AGMO: variants seen among roughly 807,000 people sequenced by gnomAD.
AGMO encodes alkylglycerol monooxygenase, also known as glyceryl-ether monooxygenase.
Under a neutral mutation model 60.2 loss-of-function variants are expected in AGMO, and 75 were observed. The observed-to-expected ratio is 1.25, with a 90% CI of 1.03 to 1.51. The LOEUF is 1.51. AGMO is among the 40% of genes most tolerant of loss of function. The pLI, the probability that AGMO is intolerant of heterozygous loss-of-function variation, is 0.00. For missense variants in AGMO, 763 were observed against 525.5 expected (o/e 1.45, Z -4.42); for synonymous variants, 261 against 177.1 (o/e 1.47, Z -3.76).
intron 12 of AGMO, among the ~76,000 whole-genome samples, chr7:15,299,408 G>C (rs755006022): frequency 1.3e-5 from 2 of 152,088 alleles, no homozygotes; most frequent in Non-Finnish European, 2.9e-5. Flanking sequence ...AACACCTTGA[G>C]AGAAAATATG....
At chr7:15,551,818 A>G (rs1402783446) in intron 2 of AGMO, among the ~76,000 whole-genome samples, 2 of 152,078 alleles carry the variant, frequency 1.3e-5, no homozygotes, top group Non-Finnish European at 2.9e-5. Flanking sequence ...GAAAAAAACT[A>G]CTTTAAAGTT....
intron 3 of AGMO, among the ~76,000 whole-genome samples, chr7:15,529,342 G>C (rs1428110769): frequency 6.7e-6 from 1 of 150,216 alleles, no homozygotes; most frequent in Non-Finnish European, 1.5e-5. Flanking sequence ...AAAAGAACTG[G>C]CATGTTGCTT....
chr7:15,390,807 T>G, intron 7 of AGMO, 33 bp downstream of exon 7: 1 of 1,586,088 alleles, frequency 6.3e-7, no homozygotes, highest in East Asian at 2.2e-5. Context: ...AAGGAGCTGA[T>G]TTAATTTTTT....
At chr7:15,347,320 A>G (rs1206834523) in intron 12 of AGMO, among the ~76,000 whole-genome samples, 2 of 152,098 alleles carry the variant, frequency 1.3e-5, no homozygotes, top group African/African-American at 4.8e-5. Context: ...ACATTTGTGA[A>G]TTGTAAATGC....
intron 3 of AGMO, among the ~76,000 whole-genome samples, chr7:15,495,867 C>CTG (rs1783215432): frequency 5.7e-5 from 2 of 34,818 alleles, no homozygotes; most frequent in Non-Finnish European, 2.1e-4. Flanking sequence ...TCTCTCTCTC[C>CTG]TCTCTCTCTC....
chr7:15,211,163 T>C (rs1056729347), intron 12 of AGMO, among the ~76,000 whole-genome samples: 1 of 152,062 alleles, frequency 6.6e-6, no homozygotes, highest in African/African-American at 2.4e-5. Context: ...TCTGTATTTA[T>C]AAAATGGGAG....
chr7:15,549,778 G>C (rs1315629660), intron 2 of AGMO, among the ~76,000 whole-genome samples: 8 of 151,196 alleles, frequency 5.3e-5, no homozygotes, highest in African/African-American at 1.9e-4. Flanking sequence ...AGTCAACAAG[G>C]ATACCCAGGA....
At chr7:15,209,179 G>A (rs1299589505) in intron 12 of AGMO, among the ~76,000 whole-genome samples, 1 of 152,048 alleles carries the variant, frequency 6.6e-6, no homozygotes, top group African/African-American at 2.4e-5. Context: ...TGTACTTCTG[G>A]CATTTCTCTG....
chr7:15,436,070 C>G (rs1425848340), intron 3 of AGMO, among the ~76,000 whole-genome samples: 1 of 152,094 alleles, frequency 6.6e-6, no homozygotes, highest in African/African-American at 2.4e-5. Flanking sequence ...GGAAAACTCC[C>G]TAGTTATAAA....
the AGMO span, among the ~76,000 whole-genome samples, chr7:15,121,984 G>T: frequency 6.6e-6 from 1 of 152,080 alleles, no homozygotes; most frequent in Non-Finnish European, 1.5e-5. Flanking sequence ...TACCATTCAG[G>T]ACATATGCAT....
At chr7:15,199,222 C>T (rs995249487), downstream of AGMO, among the ~76,000 whole-genome samples, 1 of 152,122 alleles carries the variant, frequency 6.6e-6, no homozygotes, top group African/African-American at 2.4e-5. Flanking sequence ...CTGGTAACCA[C>T]TCCCACTTTC....
At chr7:15,123,100 C>G in the AGMO span, among the ~76,000 whole-genome samples, 3 of 152,022 alleles carry the variant, frequency 2.0e-5, no homozygotes, top group Non-Finnish European at 4.4e-5. Flanking sequence ...GGGACCTAGA[C>G]TATTTTTTTC....
intron 12 of AGMO, among the ~76,000 whole-genome samples, chr7:15,231,514 T>C (rs956192502): frequency 1.3e-5 from 2 of 152,234 alleles, no homozygotes; most frequent in Non-Finnish European, 2.9e-5. Context: ...TATTTTATAA[T>C]GTCAGTTTAA....
intron 10 of AGMO, among the ~76,000 whole-genome samples, chr7:15,369,720 G>C (rs1471554893): frequency 1.3e-5 from 2 of 152,002 alleles, no homozygotes; most frequent in Non-Finnish European, 2.9e-5. Flanking sequence ...CCTCTTGCTA[G>C]GATGTAAACT....
At chr7:15,314,731 T>C (rs1780865544) in intron 12 of AGMO, among the ~76,000 whole-genome samples, 1 of 152,154 alleles carries the variant, frequency 6.6e-6, no homozygotes, top group Non-Finnish European at 1.5e-5. Flanking sequence ...TATTACCTTA[T>C]ATGACTTTGG....
the AGMO span, among the ~76,000 whole-genome samples, chr7:15,188,729 T>C: frequency 2.0e-5 from 3 of 151,290 alleles, no homozygotes; most frequent in Non-Finnish European, 2.9e-5. Context: ...AGCAGATAAA[T>C]ATAACGTCTG....
At chr7:15,439,265 T>C (rs2128501228) in intron 3 of AGMO, among the ~76,000 whole-genome samples, 1 of 152,138 alleles carries the variant, frequency 6.6e-6, no homozygotes, top group South Asian at 2.1e-4. Context: ...GGCGTGGTGG[T>C]GCACACCTGT....
rs562519323 is a variant in AGMO, at chr7:15,321,416, T to A, written c.1263+44098A>T. Among the ~76,000 whole-genome samples the A allele has an allele frequency of 7.2e-5, 11 of 152,252 alleles. No individual in the cohort carries two copies. In the East Asian group the frequency reaches 1.4e-3, roughly 19 times the overall value. ...TTCTTGTACTAAACAATAGTGAGAATCTGTTGGTGGCGAAAGTTTGTAAGT... is the reference window on the plus strand; with the variant it reads ...TTCTTGTACTAAACAATAGTGAGAAACTGTTGGTGGCGAAAGTTTGTAAGT... On this transcript the variant is annotated intron_variant, in intron 12 of 12. Transcript: ENST00000342526.
intron 12 of AGMO, among the ~76,000 whole-genome samples, chr7:15,352,835 T>C (rs1282496635): frequency 6.6e-6 from 1 of 152,002 alleles, no homozygotes; most frequent in African/African-American, 2.4e-5. Flanking sequence ...TTAAAGACAA[T>C]GCAAAAACAA....
Sources: allele counts gnomAD v4.1 joint callset (sites outside exome capture counted in the v4.1 genomes callset), GRCh38; gene constraint gnomAD v4.1.1; transcripts MANE v1.5; gene names NCBI Gene and HGNC (gene_info 2026-07-23, HGNC 2026-07-21).